Variants in TEKT5 observed in about 807,000 individuals in gnomAD.
The protein encoded by TEKT5 is tektin-5.
A neutral mutation model predicts 48.7 loss-of-function variants in TEKT5; 52 were observed. That is an observed-to-expected ratio of 1.07 (90% CI 0.86 to 1.35). The LOEUF (loss-of-function observed/expected upper bound fraction) is 1.35, where lower values mean the gene tolerates loss of function less well. Among genes scored for constraint, TEKT5 ranks in the 40% most tolerant of loss-of-function variants. TEKT5 has a pLI of 0.00. For synonymous variants in TEKT5, 318 were observed against 267.6 expected (o/e 1.19, Z -1.84); for missense variants, 831 against 641.6 (o/e 1.30, Z -3.19).
At chr16:10,677,049 C>T (rs1033280289) in intron 4 of TEKT5, among the ~76,000 whole-genome samples, 8 of 152,124 alleles carry the variant, frequency 5.3e-5, no homozygotes, top group Admixed American at 3.3e-4. Flanking sequence ...AAAGTACCTA[C>T]ATGTGGTGGT....
chr16:10,633,477 C>T (rs888575243), intron 6 of TEKT5, among the ~76,000 whole-genome samples: 3 of 152,092 alleles, frequency 2.0e-5, no homozygotes, highest in African/African-American at 7.2e-5. Flanking sequence ...GTCAGCAGAG[C>T]CCAGCCCCCA....
At chr16:10,686,510 A>C (rs1237974173) in intron 3 of TEKT5, among the ~76,000 whole-genome samples, 1 of 152,136 alleles carries the variant, frequency 6.6e-6, no homozygotes, top group Non-Finnish European at 1.5e-5. Flanking sequence ...AAACTGTAAA[A>C]CTACTAGAAG....
chr16:10,636,811 C>CATTATTATT (rs143109867), intron 5 of TEKT5, among the ~76,000 whole-genome samples: 16,106 of 147,052 alleles, frequency 0.11, 1,054 homozygotes, highest in East Asian at 0.2. Flanking sequence ...ATGTATTTTC[C>CATTATTATT]ATTATTATTA....
chr16:10,655,909 A>G (rs1391292471), intron 5 of TEKT5, among the ~76,000 whole-genome samples: 1 of 152,218 alleles, frequency 6.6e-6, no homozygotes, highest in East Asian at 1.9e-4. Context: ...GTAGACTTCT[A>G]ACTTACTTAA....
chr16:10,680,265 T>A (rs1053100406), intron 4 of TEKT5, among the ~76,000 whole-genome samples: 1 of 152,246 alleles, frequency 6.6e-6, no homozygotes, highest in African/African-American at 2.4e-5. Context: ...CTCAGCACTG[T>A]GACATTTGTA....
At chr16:10,678,395 C>T (rs572664753) in intron 4 of TEKT5, among the ~76,000 whole-genome samples, 60 of 152,330 alleles carry the variant, frequency 3.9e-4, no homozygotes, top group African/African-American at 1.3e-3. Flanking sequence ...CCGCACCCGG[C>T]CTCTTTTCAG....
chr16:10,683,653 C>T (rs1227229197), intron 3 of TEKT5, among the ~76,000 whole-genome samples: 1 of 152,148 alleles, frequency 6.6e-6, no homozygotes, highest in Non-Finnish European at 1.5e-5. Flanking sequence ...TGCAGTGGCA[C>T]GATCTCAGCT....
chr16:10,691,027 G>A (rs1490174285), intron 1 of TEKT5, among the ~76,000 whole-genome samples: 15 of 152,206 alleles, frequency 9.9e-5, no homozygotes, highest in Non-Finnish European at 2.1e-4. Flanking sequence ...TGTTCTACTA[G>A]GGGAGAGAAC....
intron 6 of TEKT5, among the ~76,000 whole-genome samples, chr16:10,629,452 T>C (rs1024332179): frequency 2.0e-5 from 3 of 152,132 alleles, no homozygotes; most frequent in African/African-American, 4.8e-5. Context: ...TGTTTCACCA[T>C]GTTGCTCAGG....
rs1162058776 is a variant in TEKT5 at position 10,627,542 on chromosome 16, C to G, written c.*41G>C. 1.2e-6 allele frequency: 2 copies of G among 1,601,792 alleles called. No homozygotes were observed. The highest frequency in any genetic ancestry group is 2.7e-5 in the African/African-American group (2 of 74,690). On this transcript the variant is annotated 3_prime_UTR_variant, in exon 7 of 7. Transcript: ENST00000283025. ...GTTTTACTTTGTTTCTCAGCCTTTT[C>G]CAATTTTACGCCAGCGCGGAATGAG...
At chr16:10,660,417 C>T (rs957364936) in intron 5 of TEKT5, among the ~76,000 whole-genome samples, 1 of 151,784 alleles carries the variant, frequency 6.6e-6, no homozygotes, top group Non-Finnish European at 1.5e-5. Context: ...TGCAGGGTGT[C>T]CTGGAGGTAA....
chr16:10,691,810 T>C (rs1241856311), intron 1 of TEKT5, among the ~76,000 whole-genome samples: 1 of 151,780 alleles, frequency 6.6e-6, no homozygotes, highest in East Asian at 1.9e-4. Flanking sequence ...TAGCGGGGCA[T>C]AGTGGCGGGC....
rs370028779 is a variant in TEKT5, at chr16:10,694,625, G to A, written c.249C>T (p.Ser83=). ...GGGGGCTATAGCGAGAGAAGAGTGCGGAGCGCAGTGTGGGCAGGATGGTGG... is the reference window on the plus strand; with the variant it reads ...GGGGGCTATAGCGAGAGAAGAGTGCAGAGCGCAGTGTGGGCAGGATGGTGG... ...RPPTILPTLR[S]ALFSRYSPHD... Residue 83 remains serine (S), a synonymous_variant, in exon 1 of 7, where the codon TCC becomes TCT. Coordinates refer to ENST00000283025, the MANE Select transcript of TEKT5 (RefSeq NM_144674.2). The A allele has an allele frequency of 1.7e-4, 276 of 1,612,456 alleles. 2 individuals carry two copies. In the South Asian group the frequency reaches 2.7e-3, roughly 16 times the overall value.
At chr16:10,687,448 T>C (rs1053921177) in intron 3 of TEKT5, among the ~76,000 whole-genome samples, 1 of 152,246 alleles carries the variant, frequency 6.6e-6, no homozygotes, top group Non-Finnish European at 1.5e-5. Flanking sequence ...TTTGCCTGTT[T>C]AAATAAGAGT....
intron 5 of TEKT5, among the ~76,000 whole-genome samples, chr16:10,674,613 C>T (rs61126816): frequency 1.8e-5 from 1 of 57,026 alleles, no homozygotes; most frequent in African/African-American, 7.7e-5. Context: ...GCAAGATCAT[C>T]TCAGAAAAAA....
chr16:10,666,890 A>C (rs941395066), intron 5 of TEKT5, among the ~76,000 whole-genome samples: 13 of 151,652 alleles, frequency 8.6e-5, no homozygotes, highest in African/African-American at 3.2e-4. Context: ...GCCCATATGA[A>C]CTATCTACAC....
intron 3 of TEKT5, among the ~76,000 whole-genome samples, chr16:10,686,960 A>G (rs1898871405): frequency 6.6e-6 from 1 of 152,250 alleles, no homozygotes; most frequent in Non-Finnish European, 1.5e-5. Flanking sequence ...TATAGGATAT[A>G]ATGTAAAGTA....
chr16:10,684,385 T>A (rs1596418642), intron 3 of TEKT5, among the ~76,000 whole-genome samples: 1 of 150,424 alleles, frequency 6.6e-6, no homozygotes, highest in Non-Finnish European at 1.5e-5. Flanking sequence ...TCTCCCTCCC[T>A]CCCCTCCATC....
intron 5 of TEKT5, among the ~76,000 whole-genome samples, chr16:10,643,238 G>A (rs986503431): frequency 6.6e-6 from 1 of 151,958 alleles, no homozygotes; most frequent in Non-Finnish European, 1.5e-5. Flanking sequence ...AATTTTCTGG[G>A]CCTGGTAGCT....
Sources: gnomAD v4.1 joint callset for allele counts (sites outside exome capture counted in the v4.1 genomes callset) on GRCh38, gnomAD v4.1.1 for gene constraint, MANE v1.5 for transcripts, NCBI Gene and HGNC (gene_info 2026-07-23, HGNC 2026-07-21) for gene names.